GSN: variants seen among roughly 807,000 people sequenced by gnomAD.
The protein encoded by GSN is gelsolin.
A neutral mutation model predicts 85.7 loss-of-function variants in GSN; 56 were observed. The ratio of observed to expected loss-of-function variants is 0.65; its 90% confidence interval spans 0.53 to 0.82. GSN has a LOEUF of 0.82. GSN is among the 40% of genes least tolerant of loss of function. The pLI is 0.00. For missense variants in GSN, 857 were observed against 979.8 expected (o/e 0.87, Z 1.67); for synonymous variants, 373 against 399.1 (o/e 0.93, Z 0.78).
chr9:121,221,136 G>A (rs533563864), intron 4 of GSN, among the ~76,000 whole-genome samples: 10 of 152,252 alleles, frequency 6.6e-5, no homozygotes, highest in South Asian at 2.1e-4. Flanking sequence ...GGGGCGCCTC[G>A]GCCCAGTCCG....
chr9:121,281,168 G>C (rs891070392), intron 1 of GSN: 7 of 168,636 alleles, frequency 4.2e-5, no homozygotes, highest in Admixed American at 3.3e-4. Context: ...CATCAGGAAA[G>C]AGGGGGACAG....
chr9:121,300,344 T>C (rs1564471680), intron 2 of GSN, among the ~76,000 whole-genome samples: 1 of 152,278 alleles, frequency 6.6e-6, no homozygotes, highest in East Asian at 1.9e-4. Flanking sequence ...TCTTCTGATG[T>C]CTTCTTCCAT....
In GSN at chr9:121,312,579, A is replaced by G. The variant is rs1440688558; in HGVS notation, c.663+91A>G. On this transcript the variant is annotated intron_variant, in intron 6 of 17. Transcript: ENST00000432226. ...TAGGCAATTTGAGGTGAATTTGAGG[A>G]AAAAAAAAAACTTCCGCTCTACCCC... 7.5e-6 allele frequency: 6 copies of G among 798,674 alleles called. No individual in the cohort carries two copies. The South Asian group carries it at 1.3e-4, about 17-fold the overall frequency. The allele number at this position is 798,674 out of a possible 1,614,324, so 49.5% of individuals were successfully genotyped here.
intron 6 of GSN, among the ~76,000 whole-genome samples, chr9:121,258,951 A>G (rs1300526128): frequency 6.6e-6 from 1 of 152,154 alleles, no homozygotes; most frequent in East Asian, 1.9e-4. Context: ...ATGTATACCA[A>G]GTTCTGTGTT....
In GSN at chr9:121,332,354, C is replaced by T. The variant is rs2064031626; in HGVS notation, c.2027-80C>T. The stretch of plus-strand genomic sequence containing the variant: ...CATAGACCCTCTTCTTTGTCAACTC[C>T]TGTCCTGAGTCACCCTCTCCCTGGT... On this transcript the variant is annotated intron_variant, in intron 17 of 17. Transcript: ENST00000432226. This position sits in a 1 kb window ranked among gnomAD's most constrained non-coding sequence, Gnocchi z 4.8. 40 of 1,268,420 alleles carry T rather than the reference C, an allele frequency of 3.2e-5. No homozygotes were observed. The highest frequency in any genetic ancestry group is 4.5e-5 in the Non-Finnish European group (39 of 864,632). The allele number at this position is 1,268,420 out of a possible 1,614,324, so 78.6% of individuals were successfully genotyped here.
chr9:121,296,126 TG>T (rs933819900), intron 2 of GSN, among the ~76,000 whole-genome samples: 2 of 152,230 alleles, frequency 1.3e-5, no homozygotes, highest in African/African-American at 4.8e-5. Context: ...AGGCTTGACT[TG>T]GGCTTGATTG....
At position 121,318,667 on chromosome 9, in the gene GSN, C is replaced by T; in HGVS notation, c.978C>T (p.Val326=). 1 of 1,611,208 alleles carries T rather than the reference C, an allele frequency of 6.2e-7. No individual in the cohort carries two copies. The highest frequency in any genetic ancestry group is 8.5e-7 in the Non-Finnish European group (1 of 1,177,288). ...TKMDYPKQTQ[V]SVLPEGGETP... ...GCTCCTCTGCCTCCCCTCCCCAGGT[C>T]TCGGTCCTTCCTGAGGGCGGTGAGA... The change falls in exon 10 of 18, where the codon GTC becomes GTT. Residue 326 remains valine, a splice_region_variant and synonymous_variant. Transcript: ENST00000432226. The surrounding 1 kb of genome is among the most constrained non-coding windows in gnomAD (Gnocchi z 4.3).
chr9:121,283,715 A>G (rs1270465836), intron 2 of GSN: 7 of 166,718 alleles, frequency 4.2e-5, no homozygotes, highest in African/African-American at 1.4e-4. Context: ...TCATATATTC[A>G]TTCATTTGAG....
chr9:121,254,162 G>T (rs10985192), intron 6 of GSN, among the ~76,000 whole-genome samples: 57,518 of 152,060 alleles, frequency 0.38, 13,569 homozygotes, highest in East Asian at 0.62. Context: ...AAGCGGTCAG[G>T]AGCGCTCAGC....
In GSN at chr9:121,327,495, G is replaced by A. The variant is rs779958609; in HGVS notation, c.1762+13G>A. 1.3e-6 allele frequency: 2 copies of A among 1,552,668 alleles called. No individual in the cohort carries two copies. Among genetic ancestry groups the A allele is most frequent in the Admixed American group, 1.9e-5 (1 of 51,404 alleles). ...GGCAGCGAGCCAGGTAGGAGCCGGGGTGGGGGGCCTGCTGCTGTCCGGATG... is the reference window on the plus strand; with the variant it reads ...GGCAGCGAGCCAGGTAGGAGCCGGGATGGGGGGCCTGCTGCTGTCCGGATG... On this transcript the variant is annotated intron_variant, in intron 14 of 17. Transcript: ENST00000432226.
chr9:121,321,519 A>T, intron 11 of GSN, 118 bp downstream of exon 11: 2 of 941,016 alleles, frequency 2.1e-6, no homozygotes, highest in Non-Finnish European at 3.3e-6. Flanking sequence ...CTGCTGGGAG[A>T]GGCTTTTGTC....
chr9:121,217,797 TGTATTA>T (rs1564336112), intron 4 of GSN, among the ~76,000 whole-genome samples: 1 of 119,106 alleles, frequency 8.4e-6, no homozygotes, highest in African/African-American at 3.4e-5. Context: ...AATATAGAAA[TGTATTA>T]TTATTATTAT....
In GSN at chr9:121,299,876, C is replaced by T; in HGVS notation, c.-9-2087C>T. 1 of 1,327,296 alleles carries T rather than the reference C, an allele frequency of 7.5e-7. No homozygotes were observed. Among genetic ancestry groups the T allele is most frequent in the South Asian group, 1.9e-5 (1 of 53,272 alleles). 82.2% of individuals were successfully genotyped at this position (1,327,296 alleles called of 1,614,324 possible). On this transcript the variant is annotated intron_variant, in intron 2 of 17. Coordinates refer to ENST00000432226, the MANE Select transcript of GSN (RefSeq NM_198252.3). This position sits in a 1 kb window ranked among gnomAD's most constrained non-coding sequence, Gnocchi z 4.2. ...CTGTCGCCACCATGGCTCCGCACCG[C>T]CCCGCGCCCGCGCTGCTTTGCGCGC...
intron 2 of GSN, among the ~76,000 whole-genome samples, chr9:121,298,306 G>A (rs189909307): frequency 2.6e-5 from 4 of 152,186 alleles, no homozygotes; most frequent in Admixed American, 1.3e-4. Context: ...CTTAATCTCC[G>A]TCCTCCCTGT....
At chr9:121,272,213 C>G (rs2132398546) in intron 1 of GSN, among the ~76,000 whole-genome samples, 1 of 152,318 alleles carries the variant, frequency 6.6e-6, no homozygotes, top group Admixed American at 6.5e-5. Context: ...CTCTGTCCCT[C>G]CCCTGCCATA....
chr9:121,322,832 G>GA (rs2062648873), intron 11 of GSN, among the ~76,000 whole-genome samples: 2 of 96,278 alleles, frequency 2.1e-5, no homozygotes, highest in South Asian at 8.4e-4. Context: ...TTGACTGTTG[G>GA]ATTTTTTTTT....
At position 121,318,370 on chromosome 9, in the gene GSN, C is replaced by T. The variant is rs780066712; in HGVS notation, c.887-36C>T. ...GTCAGGATGCAGCAGGATCCCGGGC[C>T]TCTAACCCTCCATCACTTCCTCTGG... On this transcript the variant is annotated intron_variant, in intron 8 of 17. Transcript: ENST00000432226. The surrounding 1 kb of genome is among the most constrained non-coding windows in gnomAD (Gnocchi z 4.3). The T allele has an allele frequency of 1.9e-5, 30 of 1,545,858 alleles. No homozygotes were observed. Among genetic ancestry groups the T allele is most frequent in the Non-Finnish European group, 2.6e-5 (29 of 1,117,946 alleles).
intron 7 of GSN, among the ~76,000 whole-genome samples, chr9:121,315,262 C>T (rs571198579): frequency 6.6e-6 from 1 of 152,312 alleles, no homozygotes; most frequent in Non-Finnish European, 1.5e-5. Flanking sequence ...AATCTCAACA[C>T]GACCCTTTAT....
At chr9:121,325,937 G>A (rs144916627) in intron 12 of GSN, among the ~76,000 whole-genome samples, 4 of 152,032 alleles carry the variant, frequency 2.6e-5, no homozygotes, top group Non-Finnish European at 4.4e-5. Flanking sequence ...TATGCCTGAC[G>A]TACATGTGAG....
Sources: gnomAD v4.1 joint callset for allele counts (sites outside exome capture counted in the v4.1 genomes callset) on GRCh38, gnomAD v4.1.1 for gene constraint, Gnocchi (gnomAD v3.1) non-coding constraint, MANE v1.5 for transcripts, NCBI Gene and HGNC (gene_info 2026-07-23, HGNC 2026-07-21) for gene names.